MAP1B: variants seen among roughly 807,000 people sequenced by gnomAD.
The protein encoded by MAP1B is microtubule-associated protein 1B.
A neutral mutation model predicts 176.1 loss-of-function variants in MAP1B; 12 were observed. That is an observed-to-expected ratio of 0.07 (90% CI 0.04 to 0.11). The LOEUF (loss-of-function observed/expected upper bound fraction) is 0.11, where lower values mean the gene tolerates loss of function less well. Ranked by LOEUF, MAP1B falls within the 10% of genes least tolerant of loss-of-function variation. The probability of loss-of-function intolerance (pLI) is 1.00; values close to 1 mark genes in which losing one functional copy is unlikely to be tolerated. For synonymous variants in MAP1B, 1,044 were observed against 1,135.0 expected (o/e 0.92, Z 1.61); for missense variants, 2,523 against 2,990.5 (o/e 0.84, Z 3.65).
Position 72,200,241 on chromosome 5 carries a change from G to T in MAP1B, c.6886G>T (p.Val2296Leu). 2 of 1,614,208 alleles carry T rather than the reference G, an allele frequency of 1.2e-6. No homozygotes were observed. The highest frequency in any genetic ancestry group is 1.7e-6 in the Non-Finnish European group (2 of 1,180,040). The change falls in exon 5 of 7, where the codon GTG becomes TTG. Residue 2296 changes from valine to leucine, a missense_variant. By Grantham distance (32) the Val-to-Leu change is conservative. Around this residue, in one of 4 missense-constraint regions of MAP1B, gnomAD observed 287 missense variants for 401.5 expected, o/e 0.71. Coordinates refer to ENST00000296755, the MANE Select transcript of MAP1B (RefSeq NM_005909.5). ...GGCTTCTCCTAAGAAGAAAGAATCT[G>T]TGGAAAAGGCAGCAAAACCCACCAC... ...RVASPKKKES[V>L]EKAAKPTTTP...
Position 72,195,425 on chromosome 5 carries a change from A to T in MAP1B, c.2070A>T (p.Lys690Asn). Residue 690 changes from lysine to asparagine, a missense_variant, in exon 5 of 7, where the codon AAA becomes AAT. Lys to Asn is a moderately conservative substitution (Grantham distance 94, BLOSUM62 0). This residue lies in a region of MAP1B where 1,925 missense variants were observed against 2,126.0 expected (regional missense o/e 0.91). Coordinates refer to ENST00000296755, the MANE Select transcript of MAP1B (RefSeq NM_005909.5). ...AAGAAGTCAAAAAAGAGATCAAGAA[A>T]GAAGAGAAAAAAGAACCCAAGAAAG... ...VKKEVKKEIK[K>N]EEKKEPKKEV... The T allele has an allele frequency of 1.3e-6, 2 of 1,565,152 alleles. No homozygotes were observed. The highest frequency in any genetic ancestry group is 1.7e-6 in the Non-Finnish European group (2 of 1,158,444).
intron 2 of MAP1B, among the ~76,000 whole-genome samples, chr5:72,122,023 T>G (rs911490803): frequency 3.9e-5 from 6 of 152,226 alleles, no homozygotes; most frequent in Non-Finnish European, 5.9e-5. Flanking sequence ...GCTCTGCTCA[T>G]CTTTCCTCAT....
chr5:72,160,098 T>G (rs1261219364), intron 2 of MAP1B, among the ~76,000 whole-genome samples: 2 of 152,132 alleles, frequency 1.3e-5, no homozygotes, highest in Admixed American at 6.5e-5. Flanking sequence ...CTTCTTCCCC[T>G]TTTTTTGTAT....
chr5:72,162,546 C>T (rs562898543), intron 2 of MAP1B, among the ~76,000 whole-genome samples: 1 of 152,118 alleles, frequency 6.6e-6, no homozygotes, highest in South Asian at 2.1e-4. Context: ...CTACCTGCTC[C>T]CTGCAGTTAC....
Position 72,186,691 on chromosome 5 carries a change from G to C in MAP1B, c.447G>C (p.Glu149Asp), listed in dbSNP as rs750258883. The C allele has an allele frequency of 6.2e-7, 1 of 1,614,056 alleles. No individual in the cohort carries two copies. The highest frequency in any genetic ancestry group is 1.7e-5 in the Admixed American group (1 of 60,024). The change falls in exon 4 of 7, where the codon GAG (glutamate) becomes GAC (aspartate). Residue 149 changes from glutamate (E) to aspartate (D), a missense_variant. Transcript: ENST00000296755. The surrounding 1 kb of genome is among the most constrained non-coding windows in gnomAD (Gnocchi z 4.3). ...GGCAGTGCTTTGAAAATACCGGAGA[G>C]CTCATTCTCCAGTCCGGCTCTTTCT... The part of the protein sequence containing the change: ...LTGQCFENTG[E>D]LILQSGSFSF...
chr5:72,155,021 A>G (rs1746202725), intron 2 of MAP1B, among the ~76,000 whole-genome samples: 2 of 152,228 alleles, frequency 1.3e-5, no homozygotes, highest in South Asian at 4.1e-4. Context: ...AGGAGGGCAT[A>G]TCCTGCGAAG....
At chr5:72,159,008 T>A (rs1433799682) in intron 2 of MAP1B, among the ~76,000 whole-genome samples, 2 of 152,144 alleles carry the variant, frequency 1.3e-5, no homozygotes, top group East Asian at 3.8e-4. Flanking sequence ...AACAGCCATA[T>A]GGGGTGTGAG....
intron 2 of MAP1B, among the ~76,000 whole-genome samples, chr5:72,177,241 C>T (rs1251757207): frequency 6.6e-6 from 1 of 152,164 alleles, no homozygotes; most frequent in African/African-American, 2.4e-5. Flanking sequence ...CCTGGACCCT[C>T]TCCGGAGCTC....
chr5:72,108,550 G>T (rs1745192269), intron 1 of MAP1B, among the ~76,000 whole-genome samples: 2 of 152,240 alleles, frequency 1.3e-5, no homozygotes, highest in South Asian at 4.1e-4. Context: ...GCTCTGCGGA[G>T]GCCGAATAGC....
rs989692698 is a variant in MAP1B, at chr5:72,152,337, G to A, written c.287-31406G>A. Among the ~76,000 whole-genome samples the A allele has an allele frequency of 3.3e-5, 5 of 152,084 alleles. No homozygotes were observed. In the South Asian group the frequency reaches 6.2e-4, roughly 19 times the overall value. On this transcript the variant is annotated intron_variant, in intron 2 of 6. Transcript: ENST00000296755. ...TCCTTGTTCTGCAAAACCTGGGGTC[G>A]GACCCCGTTCACTCCCCTTCCTACC...
intron 1 of MAP1B, 117 bp from the exon 2 acceptor site, chr5:72,115,581 A>G: frequency 1.5e-6 from 1 of 688,670 alleles, no homozygotes; most frequent in East Asian, 2.7e-5. Context: ...CAAGCTCTTC[A>G]GAAAAGGAGT....
intron 2 of MAP1B, among the ~76,000 whole-genome samples, chr5:72,116,204 A>T (rs1452971797): frequency 6.6e-6 from 1 of 152,168 alleles, no homozygotes; most frequent in Non-Finnish European, 1.5e-5. Context: ...TGTTAATCTT[A>T]CTCAAATGAA....
intron 2 of MAP1B, among the ~76,000 whole-genome samples, chr5:72,166,646 C>T (rs568064998): frequency 3.2e-4 from 48 of 152,284 alleles, no homozygotes; most frequent in African/African-American, 1.1e-3. Flanking sequence ...GGCCCGAGGC[C>T]GAGCTAATCC....
chr5:72,203,511 T>C (rs2111900663), intron 5 of MAP1B, 52 bp from the exon 6 acceptor site: 1 of 1,283,614 alleles, frequency 7.8e-7, no homozygotes, highest in South Asian at 1.2e-5. Context: ...GCTGGATGTA[T>C]GGTCTCTTCA....
rs17301945 is a variant in MAP1B at position 72,186,768 on chromosome 5, T to C, written c.510+14T>C. 63,788 of 1,613,602 alleles carry C rather than the reference T, an allele frequency of 0.04. 1,529 individuals carry two copies. The highest frequency in any genetic ancestry group is 0.043 in the Non-Finnish European group (50,850 of 1,179,924). ...ACCGATCAAGAGGTAGGTTCGTGTC[T>C]GAGAATATCTGTGCTTCTAGTGGCT... On this transcript the variant is annotated intron_variant, in intron 4 of 6. Coordinates refer to ENST00000296755, the MANE Select transcript of MAP1B (RefSeq NM_005909.5). The surrounding 1 kb of genome is among the most constrained non-coding windows in gnomAD (Gnocchi z 4.3).
Position 72,107,646 on chromosome 5 carries a change from T to C in MAP1B, c.115T>C (p.Leu39=). The C allele has an allele frequency of 6.2e-7, 1 of 1,600,374 alleles. No homozygotes were observed. The highest frequency in any genetic ancestry group is 8.5e-7 in the Non-Finnish European group (1 of 1,179,624). The stretch of plus-strand genomic sequence containing the variant: ...CCGCTTCCTTGACAGCAAGTTCTAC[T>C]TGCTGGTGGTCGTCGGCGAGATCGT... ...SHRFLDSKFY[L]LVVVGEIVTE... The change falls in exon 1 of 7, where the codon TTG becomes CTG. Residue 39 remains leucine, a synonymous_variant. Transcript: ENST00000296755.
chr5:72,184,660 T>A (rs1235780501), intron 3 of MAP1B, among the ~76,000 whole-genome samples: 1 of 152,202 alleles, frequency 6.6e-6, no homozygotes, highest in African/African-American at 2.4e-5. Context: ...TTGCTATCAC[T>A]CCACTTTCCA....
At chr5:72,113,178 T>C (rs1460172296) in intron 1 of MAP1B, among the ~76,000 whole-genome samples, 1 of 152,238 alleles carries the variant, frequency 6.6e-6, no homozygotes, top group Middle Eastern at 3.2e-3. Context: ...TTATTTTATT[T>C]CTAAAATTGG....
intron 2 of MAP1B, among the ~76,000 whole-genome samples, chr5:72,138,773 T>C (rs1021592095): frequency 5.3e-5 from 8 of 152,210 alleles, no homozygotes; most frequent in African/African-American, 1.9e-4. Context: ...ATTTTTCAAT[T>C]TGATCACAAT....
Sources: gnomAD v4.1 joint callset for allele counts (sites outside exome capture counted in the v4.1 genomes callset) on GRCh38, gnomAD v4.1.1 for gene constraint, gnomAD v4.1.1 regional missense constraint, Gnocchi (gnomAD v3.1) non-coding constraint, MANE v1.5 for transcripts, NCBI Gene and HGNC (gene_info 2026-07-23, HGNC 2026-07-21) for gene names.